The following UBQLN4 variants were observed in gnomAD, a reference collection of about 807,000 sequenced individuals.
UBQLN4 encodes ubiquilin 4.
In UBQLN4, 11 loss-of-function variants were observed where a neutral mutation model predicts 60.4. That is an observed-to-expected ratio of 0.18 (90% CI 0.11 to 0.30). The LOEUF is 0.30. UBQLN4 is among the 10% of genes least tolerant of loss of function. The pLI is 1.00. For missense variants in UBQLN4, 417 were observed against 795.5 expected (o/e 0.52, Z 5.72); for synonymous variants, 258 against 313.1 (o/e 0.82, Z 1.86).
intron 4 of UBQLN4, among the ~76,000 whole-genome samples, chr1:156,049,219 G>A (rs752103067): frequency 1.3e-5 from 2 of 152,222 alleles, no homozygotes; most frequent in Non-Finnish European, 2.9e-5. Flanking sequence ...AGTGTTCAAA[G>A]CCAGGTTGGT....
At position 156,038,301 on chromosome 1, in the gene UBQLN4, C is replaced by T. The variant is rs148876453; in HGVS notation, c.1654-1171G>A. 4.0e-3 allele frequency among the ~76,000 whole-genome samples: 610 copies of T among 152,168 alleles called. 1 individual carries two copies. The highest frequency in any genetic ancestry group is 7.3e-3 in the Non-Finnish European group (497 of 68,014). ...CTGAGGCAGAAGAATCACTTGAATC[C>T]GGGAGGCGGAGGTGCAGTGAGCTGA... is the stretch of plus-strand genomic sequence containing the variant. On this transcript the variant is annotated intron_variant, in intron 10 of 10. Transcript: ENST00000368309.
At chr1:156,051,356 G>A (rs1376759046) in intron 2 of UBQLN4, 29 bp from the exon 3 acceptor site, 5 of 1,549,402 alleles carry the variant, frequency 3.2e-6, no homozygotes, top group South Asian at 1.2e-5. Flanking sequence ...GAATCCTGTT[G>A]GAGTGAGCAC....
chr1:156,039,995 G>A (rs182600204), intron 10 of UBQLN4, among the ~76,000 whole-genome samples: 245 of 145,800 alleles, frequency 1.7e-3, no homozygotes, highest in African/African-American at 5.4e-3. Flanking sequence ...AGCAAGCACC[G>A]TCCACCTGGT....
rs532087629 is a variant in UBQLN4 at position 156,036,928 on chromosome 1, C to G, written c.*50G>C. 6.3e-7 allele frequency: 1 copy of G among 1,593,492 alleles called. No homozygotes were observed. Among genetic ancestry groups the G allele is most frequent in the Non-Finnish European group, 8.5e-7 (1 of 1,170,394 alleles). On this transcript the variant is annotated 3_prime_UTR_variant, in exon 11 of 11. Transcript: ENST00000368309. Reference sequence around the variant, plus strand: ...AGAGGGTAAGGATTGACAGAAGAACCGAATGCTGACATCGAGGGAGGGGAG... The same window carrying G: ...AGAGGGTAAGGATTGACAGAAGAACGGAATGCTGACATCGAGGGAGGGGAG...
downstream of UBQLN4, chr1:156,033,280 G>C (rs1024044091): frequency 8.1e-6 from 8 of 985,350 alleles, no homozygotes; most frequent in Non-Finnish European, 9.6e-6. Flanking sequence ...GAAAGCTCTG[G>C]GCAGAAGCCA....
intron 5 of UBQLN4, among the ~76,000 whole-genome samples, chr1:156,047,908 A>AAG (rs1558089435): frequency 6.6e-6 from 1 of 151,602 alleles, no homozygotes; most frequent in African/African-American, 2.4e-5. Flanking sequence ...AAAAAAAAAA[A>AAG]AGAAAGAAAG....
chr1:156,034,859 A>AAT (rs1235519510), downstream of UBQLN4, among the ~76,000 whole-genome samples: 2 of 67,946 alleles, frequency 2.9e-5, no homozygotes, highest in Non-Finnish European at 6.1e-5. Flanking sequence ...ATATATATAT[A>AAT]TATATATATA....
chr1:156,052,599 C>T (rs1191457497), intron 1 of UBQLN4, among the ~76,000 whole-genome samples: 1 of 152,174 alleles, frequency 6.6e-6, no homozygotes, highest in Non-Finnish European at 1.5e-5. Flanking sequence ...GCTGGGATTA[C>T]AGGTGTGAGC....
chr1:156,031,907 G>T (rs1377338083), downstream of UBQLN4, among the ~76,000 whole-genome samples: 1 of 151,520 alleles, frequency 6.6e-6, no homozygotes, highest in Non-Finnish European at 1.5e-5. Flanking sequence ...TGTACAATTT[G>T]ATAAGTTTTG....
At chr1:156,046,609 G>A (rs1028576701) in intron 5 of UBQLN4, among the ~76,000 whole-genome samples, 5 of 151,234 alleles carry the variant, frequency 3.3e-5, no homozygotes, top group African/African-American at 9.7e-5. Context: ...TTGGGAGGCC[G>A]AGGCAGGCAG....
Position 156,036,509 on chromosome 1 carries a change from A to G in UBQLN4, c.*469T>C. On this transcript the variant is annotated 3_prime_UTR_variant, in exon 11 of 11. Coordinates refer to ENST00000368309, the MANE Select transcript of UBQLN4 (RefSeq NM_020131.5). ...CACCTGCTCCTCCTTCAGAGCAAGA[A>G]ATTCTAGCATTGGTTGGGCTAGGGG... 1.0e-6 allele frequency: 1 copy of G among 986,408 alleles called. No homozygotes were observed. 61.1% of individuals were successfully genotyped at this position (986,408 alleles called of 1,614,324 possible).
Position 156,036,894 on chromosome 1 carries a change from A to G in UBQLN4, c.*84T>C. On this transcript the variant is annotated 3_prime_UTR_variant, in exon 11 of 11. Coordinates refer to ENST00000368309, the MANE Select transcript of UBQLN4 (RefSeq NM_020131.5). ...GATGAGGGAGAAGACGGAAGGGAGG[A>G]CAAGCTGCAGAGGGTAAGGATTGAC... 6 of 1,549,996 alleles carry G rather than the reference A, an allele frequency of 3.9e-6. No homozygotes were observed. Among genetic ancestry groups the G allele is most frequent in the Non-Finnish European group, 5.2e-6 (6 of 1,149,840 alleles).
In UBQLN4 at chr1:156,048,477, C is replaced by T. The variant is rs1335200361; in HGVS notation, c.900+24G>A. The T allele has an allele frequency of 1.9e-6, 3 of 1,595,640 alleles. No individual in the cohort carries two copies. The highest frequency in any genetic ancestry group is 1.7e-5 in the Admixed American group (1 of 59,576). ...AATCTCGAGCCCAGACAGCCCAACC[C>T]ACTACCCTGGCCCTTGATCCCACCT... is the stretch of plus-strand genomic sequence containing the variant. On this transcript the variant is annotated intron_variant, in intron 5 of 10. Coordinates refer to ENST00000368309, the MANE Select transcript of UBQLN4 (RefSeq NM_020131.5). This position sits in a 1 kb window ranked among gnomAD's most constrained non-coding sequence, Gnocchi z 4.9.
At chr1:156,043,522 G>A (rs1351503092) in intron 6 of UBQLN4, among the ~76,000 whole-genome samples, 6 of 152,152 alleles carry the variant, frequency 3.9e-5, no homozygotes, top group Non-Finnish European at 1.5e-5. Context: ...AGAAATTAGA[G>A]CATCTGCTGA....
intron 4 of UBQLN4, among the ~76,000 whole-genome samples, chr1:156,049,176 C>T (rs1002636982): frequency 6.6e-6 from 1 of 152,158 alleles, no homozygotes; most frequent in African/African-American, 2.4e-5. Context: ...TGACTTGCTG[C>T]CCTGGGACAC....
downstream of UBQLN4, among the ~76,000 whole-genome samples, chr1:156,032,415 G>A (rs567917919): frequency 2.6e-5 from 4 of 151,510 alleles, no homozygotes; most frequent in Non-Finnish European, 5.9e-5. Context: ...GGAGGGCGAG[G>A]CAGGAGAATC....
downstream of UBQLN4, among the ~76,000 whole-genome samples, chr1:156,033,493 T>A (rs1343952420): frequency 6.6e-6 from 1 of 152,078 alleles, no homozygotes; most frequent in African/African-American, 2.4e-5. Flanking sequence ...CCCAGGAGTT[T>A]GAGACCAGTC....
intron 7 of UBQLN4, 174 bp from the exon 8 acceptor site, chr1:156,042,410 G>C (rs889489960): frequency 1.1e-5 from 15 of 1,420,662 alleles, no homozygotes; most frequent in Middle Eastern, 2.3e-4. Flanking sequence ...ATGGAACTAT[G>C]CTCTGGGTAA....
In UBQLN4 at chr1:156,035,565, C is replaced by A; in HGVS notation, c.*1413G>T. ...CAATTCCAGATCAAAGGCATCATTG[C>A]CACCCTCTCCTCTCCTTCCTCAAAG... On this transcript the variant is annotated 3_prime_UTR_variant, in exon 11 of 11. Coordinates refer to ENST00000368309, the MANE Select transcript of UBQLN4 (RefSeq NM_020131.5). 8 of 985,384 alleles carry A rather than the reference C, an allele frequency of 8.1e-6. No individual in the cohort carries two copies. Among genetic ancestry groups the A allele is most frequent in the Non-Finnish European group, 9.6e-6 (8 of 829,924 alleles). The allele number at this position is 985,384 out of a possible 1,614,324, so 61.0% of individuals were successfully genotyped here. A position where few individuals can be genotyped will look rare whatever the true frequency, so the allele number is the denominator to read the frequency against.
Sources: allele counts gnomAD v4.1 joint callset (sites outside exome capture counted in the v4.1 genomes callset), GRCh38; gene constraint gnomAD v4.1.1; non-coding constraint Gnocchi (gnomAD v3.1); transcripts MANE v1.5; gene names NCBI Gene and HGNC (gene_info 2026-07-23, HGNC 2026-07-21).